Variants in MYO1B observed in about 807,000 individuals in gnomAD.
The protein encoded by MYO1B is myosin IB, also known as unconventional myosin-Ib.
MYO1B carries 72 observed loss-of-function variants against 159.7 expected under a neutral mutation model. The observed-to-expected ratio is 0.45, with a 90% CI of 0.37 to 0.55. The LOEUF (loss-of-function observed/expected upper bound fraction) is 0.55. Ranked by LOEUF, MYO1B falls within the 20% of genes least tolerant of loss-of-function variation. MYO1B has a pLI of 0.00. For synonymous variants in MYO1B, 468 were observed against 473.8 expected (o/e 0.99, Z 0.16); for missense variants, 1,062 against 1,364.8 (o/e 0.78, Z 3.50).
At chr2:191,312,983 G>A (rs1276908393) in intron 3 of MYO1B, among the ~76,000 whole-genome samples, 2 of 152,214 alleles carry the variant, frequency 1.3e-5, no homozygotes, top group Admixed American at 1.3e-4. Context: ...ACCTTGTAAG[G>A]GGGTATAAGG....
At chr2:191,299,646 G>A (rs1023699179) in intron 3 of MYO1B, among the ~76,000 whole-genome samples, 2 of 152,186 alleles carry the variant, frequency 1.3e-5, no homozygotes, top group African/African-American at 4.8e-5. Flanking sequence ...GGGATGATTT[G>A]TCTAAGAATT....
rs1411802478 is a variant in MYO1B, at chr2:191,385,923, C to T, written c.1393C>T (p.Leu465Phe). The change falls in exon 16 of 31, where the codon CTC (leucine) becomes TTC (phenylalanine). Residue 465 changes from leucine (L) to phenylalanine (F), a missense_variant. By Grantham distance (22) the Leu-to-Phe change is conservative. Coordinates refer to ENST00000392318, the MANE Select transcript of MYO1B (RefSeq NM_001130158.3). ...GILAMLDEEC[L>F]RPGTVTDETF... Reference sequence around the variant, plus strand: ...CCTGGCCATGCTGGATGAAGAGTGCCTCAGACCTGGCACAGTCACTGATGA... The same window carrying T: ...CCTGGCCATGCTGGATGAAGAGTGCTTCAGACCTGGCACAGTCACTGATGA... 6.2e-7 allele frequency: 1 copy of T among 1,614,008 alleles called. No individual in the cohort carries two copies. The highest frequency in any genetic ancestry group is 1.7e-5 in the Admixed American group (1 of 59,998).
chr2:191,407,849 T>C (rs1179075456), intron 24 of MYO1B: 1 of 265,334 alleles, frequency 3.8e-6, no homozygotes, highest in Non-Finnish European at 7.0e-6. Context: ...GTAAAATGTT[T>C]CTTGTCAAAT....
rs1553552026 is a variant in MYO1B, at chr2:191,360,751, G to GT, written c.661+23dup. 5.9e-4 allele frequency: 665 copies of GT among 1,118,246 alleles called. 4 individuals are homozygous for GT. The highest frequency in any genetic ancestry group is 3.7e-3 in the African/African-American group (218 of 59,060). 69.3% of individuals were successfully genotyped at this position (1,118,246 alleles called of 1,614,324 possible). A position where few individuals can be genotyped will look rare whatever the true frequency, so the allele number is the denominator to read the frequency against. ...CTCAGTAAGTCTCTGTTTCTATGTG[G>GT]TGTTGTTGTTGTTGTTGTTGTTGTT... On this transcript the variant is annotated intron_variant, in intron 8 of 30. Transcript: ENST00000392318.
intron 1 of MYO1B, among the ~76,000 whole-genome samples, chr2:191,260,669 G>T (rs1336346000): frequency 6.6e-6 from 1 of 152,062 alleles, no homozygotes; most frequent in Non-Finnish European, 1.5e-5. Context: ...AGAAACATTT[G>T]TCTGTGTTGA....
At chr2:191,384,593 C>A (rs1345572365) in intron 15 of MYO1B, among the ~76,000 whole-genome samples, 2 of 152,156 alleles carry the variant, frequency 1.3e-5, no homozygotes, top group Non-Finnish European at 2.9e-5. Flanking sequence ...CAATTCAGAT[C>A]TCTGATTTTG....
intron 3 of MYO1B, among the ~76,000 whole-genome samples, chr2:191,311,581 C>G (rs1690006377): frequency 6.6e-6 from 1 of 152,112 alleles, no homozygotes; most frequent in Admixed American, 6.5e-5. Context: ...GTTGCTGCTG[C>G]TTCTATCTAT....
chr2:191,409,844 G>T (rs896509131), intron 26 of MYO1B, among the ~76,000 whole-genome samples: 3 of 152,168 alleles, frequency 2.0e-5, no homozygotes, highest in African/African-American at 7.2e-5. Context: ...AACCTAGTCA[G>T]TTGATATGTG....
chr2:191,341,608 T>A, intron 5 of MYO1B, 43 bp downstream of exon 5: 2 of 1,469,048 alleles, frequency 1.4e-6, no homozygotes, highest in Middle Eastern at 1.7e-4. Context: ...ACTCAAACAG[T>A]AGATTGAGTT....
intron 7 of MYO1B, among the ~76,000 whole-genome samples, chr2:191,353,587 A>G (rs1247417037): frequency 6.6e-6 from 1 of 152,200 alleles, no homozygotes; most frequent in Non-Finnish European, 1.5e-5. Context: ...AAGTGCAAAT[A>G]CGGGCAGGCT....
chr2:191,296,292 G>C, intron 3 of MYO1B, 66 bp downstream of exon 3: 6 of 765,750 alleles, frequency 7.8e-6, no homozygotes, highest in South Asian at 3.7e-5. Context: ...ACAGATGTGT[G>C]CAGCTGTCTC....
At chr2:191,310,698 G>T (rs1298098757) in intron 3 of MYO1B, among the ~76,000 whole-genome samples, 1 of 152,136 alleles carries the variant, frequency 6.6e-6, no homozygotes, top group Non-Finnish European at 1.5e-5. Context: ...AAGACTGAAG[G>T]ATTATGAAGG....
rs959573273 is a variant in MYO1B, at chr2:191,374,925, T to C, written c.1185+4633T>C. On this transcript the variant is annotated intron_variant, in intron 13 of 30. Coordinates refer to ENST00000392318, the MANE Select transcript of MYO1B (RefSeq NM_001130158.3). ...GCTATTCTTTTTTTGAAAAAAGATA[T>C]TAAGTTAAAAAGTAAGTTGAACAAT... Among the ~76,000 whole-genome samples, 6 of 152,294 alleles carry C rather than the reference T, an allele frequency of 3.9e-5. No individual in the cohort carries two copies. In the South Asian group the frequency reaches 1.2e-3, roughly 32 times the overall value.
At chr2:191,341,403 C>A in intron 4 of MYO1B, 58 bp from the exon 5 acceptor site, 2 of 1,481,718 alleles carry the variant, frequency 1.3e-6, no homozygotes, top group South Asian at 2.4e-5. Context: ...TCCTCCTCCC[C>A]AAAAAGATTT....
chr2:191,400,096 CACAG>C (rs1242105080), intron 21 of MYO1B, among the ~76,000 whole-genome samples: 1 of 152,312 alleles, frequency 6.6e-6, no homozygotes, highest in East Asian at 1.9e-4. Flanking sequence ...TGTTTCATCC[CACAG>C]ATGTGTGCCA....
intron 3 of MYO1B, among the ~76,000 whole-genome samples, chr2:191,319,931 C>T (rs972263594): frequency 1.3e-5 from 2 of 152,026 alleles, no homozygotes; most frequent in African/African-American, 4.8e-5. Flanking sequence ...AGCATTGTAT[C>T]AAGATGGCTT....
At position 191,355,582 on chromosome 2, in the gene MYO1B, A is replaced by G. The variant is rs141835199; in HGVS notation, c.563-5049A>G. ...CACTTTGGTAGTGAGGCAGTGATTG[A>G]CAACGCTAAGCAACTGCTGGCCTCT... On this transcript the variant is annotated intron_variant, in intron 7 of 30. Transcript: ENST00000392318. 7.9e-5 allele frequency among the ~76,000 whole-genome samples: 12 copies of G among 152,328 alleles called. 1 individual carries two copies. In the East Asian group the frequency reaches 2.3e-3, roughly 29 times the overall value.
chr2:191,332,795 C>T (rs1024237598), intron 4 of MYO1B, among the ~76,000 whole-genome samples: 3 of 152,104 alleles, frequency 2.0e-5, no homozygotes, highest in Non-Finnish European at 2.9e-5. Flanking sequence ...CATCTCTGTA[C>T]CTTGAACATG....
At chr2:191,417,772 A>G (rs1042712240) in intron 30 of MYO1B, among the ~76,000 whole-genome samples, 1 of 152,184 alleles carries the variant, frequency 6.6e-6, no homozygotes, top group Non-Finnish European at 1.5e-5. Context: ...ACTACATTAC[A>G]TCTCAGAGTC....
Sources: allele counts gnomAD v4.1 joint callset (sites outside exome capture counted in the v4.1 genomes callset), GRCh38; gene constraint gnomAD v4.1.1; transcripts MANE v1.5; gene names NCBI Gene and HGNC (gene_info 2026-07-23, HGNC 2026-07-21).